UNC13C: variants seen among roughly 807,000 people sequenced by gnomAD.
UNC13C encodes protein unc-13 homolog C.
Under a neutral mutation model 245.4 loss-of-function variants are expected in UNC13C, and 174 were observed. The observed-to-expected ratio is 0.71, with a 90% CI of 0.63 to 0.80. The LOEUF (loss-of-function observed/expected upper bound fraction) is 0.80, where lower values mean the gene tolerates loss of function less well. UNC13C is among the 30% of genes least tolerant of loss of function. UNC13C has a pLI of 0.00. For missense variants in UNC13C, 2,829 were observed against 2,602.9 expected, an observed-to-expected ratio of 1.09 and a Z score of -1.89; for synonymous variants, 992 against 895.1, an observed-to-expected ratio of 1.11 and a Z score of -1.93.
intron 7 of UNC13C, among the ~76,000 whole-genome samples, chr15:54,247,825 G>A (rs1043006992): frequency 2.0e-4 from 31 of 151,462 alleles, no homozygotes; most frequent in Non-Finnish European, 1.0e-4. Context: ...ATGAATTATG[G>A]CTCCTTAGCC....
At chr15:54,119,027 C>T (rs947803720) in intron 2 of UNC13C, among the ~76,000 whole-genome samples, 1 of 150,162 alleles carries the variant, frequency 6.7e-6, no homozygotes, top group African/African-American at 2.4e-5. Context: ...TGGAAGTATT[C>T]CCTCCTCTCC....
chr15:53,855,878 C>G, the UNC13C span, among the ~76,000 whole-genome samples: 3 of 152,174 alleles, frequency 2.0e-5, no homozygotes, highest in Admixed American at 1.3e-4. Flanking sequence ...ACCAACTCTT[C>G]TTTGTACCTC....
At chr15:54,507,814 T>C (rs1229374367) in intron 23 of UNC13C, among the ~76,000 whole-genome samples, 1 of 151,860 alleles carries the variant, frequency 6.6e-6, no homozygotes, top group Non-Finnish European at 1.5e-5. Context: ...GAGAAATACA[T>C]TGGCAGCATT....
At chr15:54,010,208 A>G (rs1322907427) in intron 1 of UNC13C, among the ~76,000 whole-genome samples, 1 of 152,232 alleles carries the variant, frequency 6.6e-6, no homozygotes, top group Non-Finnish European at 1.5e-5. Context: ...TCTGACAAAC[A>G]GTATGAGTCT....
At chr15:54,614,233 CTGTTT>C in intron 30 of UNC13C, among the ~76,000 whole-genome samples, 1 of 152,024 alleles carries the variant, frequency 6.6e-6, no homozygotes, top group African/African-American at 2.4e-5. Flanking sequence ...GTGTCTTATT[CTGTTT>C]TAACACCATA....
At chr15:53,937,010 C>A in the UNC13C span, among the ~76,000 whole-genome samples, 1,885 of 152,294 alleles carry the variant, frequency 0.012, 37 homozygotes, top group African/African-American at 0.043. Flanking sequence ...CCAGCAAGGG[C>A]ACAGAACTGG....
At chr15:54,035,238 G>T (rs1566964725) in intron 2 of UNC13C, among the ~76,000 whole-genome samples, 1 of 151,890 alleles carries the variant, frequency 6.6e-6, no homozygotes, top group Admixed American at 6.6e-5. Context: ...AAAAAATGAG[G>T]CATACCTAGA....
chr15:53,905,186 C>A, the UNC13C span, among the ~76,000 whole-genome samples: 1 of 152,160 alleles, frequency 6.6e-6, no homozygotes, highest in South Asian at 2.1e-4. Flanking sequence ...ACCATATGAT[C>A]CAGCAATCCC....
intron 19 of UNC13C, among the ~76,000 whole-genome samples, chr15:54,464,689 C>T (rs1892071636): frequency 6.6e-6 from 1 of 152,012 alleles, no homozygotes; most frequent in Non-Finnish European, 1.5e-5. Context: ...CGATAGCAGT[C>T]ACATACATAG....
At chr15:54,228,316 G>T (rs1416548979) in intron 4 of UNC13C, among the ~76,000 whole-genome samples, 1 of 151,980 alleles carries the variant, frequency 6.6e-6, no homozygotes. Context: ...ATGGAATCAG[G>T]GACCCCAAGA....
At chr15:54,278,379 A>G (rs773021208) in intron 10 of UNC13C, among the ~76,000 whole-genome samples, 5 of 152,128 alleles carry the variant, frequency 3.3e-5, no homozygotes, top group Non-Finnish European at 7.4e-5. Flanking sequence ...CTTTGAGTAG[A>G]CAAAATTAAT....
chr15:53,911,939 G>A, the UNC13C span: 1 of 152,282 alleles, frequency 6.6e-6, no homozygotes, highest in East Asian at 1.9e-4. Context: ...CATACACAAA[G>A]TGACTATTGC....
the UNC13C span, among the ~76,000 whole-genome samples, chr15:53,841,991 G>A: frequency 6.6e-6 from 1 of 152,102 alleles, no homozygotes; most frequent in Non-Finnish European, 1.5e-5. Flanking sequence ...CAAGTGTAAG[G>A]GTGGAGAGTT....
downstream of UNC13C, chr15:54,629,578 G>A (rs1329564379): frequency 7.0e-6 from 1 of 143,752 alleles, no homozygotes; most frequent in Non-Finnish European, 1.5e-5. Flanking sequence ...TTAGTCCCAT[G>A]AACAAAATTC....
chr15:54,436,263 A>T (rs1021819676), intron 19 of UNC13C, among the ~76,000 whole-genome samples: 3 of 151,930 alleles, frequency 2.0e-5, no homozygotes, highest in African/African-American at 7.2e-5. Flanking sequence ...AAGATGGACA[A>T]GTATTTCCTC....
the UNC13C span, among the ~76,000 whole-genome samples, chr15:53,931,416 T>A: frequency 6.6e-5 from 10 of 152,082 alleles, no homozygotes; most frequent in African/African-American, 1.2e-4. Flanking sequence ...TGATCCACTC[T>A]TCTCGACTTC....
intron 4 of UNC13C, among the ~76,000 whole-genome samples, chr15:54,191,862 T>A (rs1346531049): frequency 2.6e-5 from 4 of 152,172 alleles, no homozygotes; most frequent in Non-Finnish European, 5.9e-5. Flanking sequence ...TTTTGAGAAG[T>A]GTCTGTTCAT....
At chr15:54,143,583 C>T (rs2032123445) in intron 3 of UNC13C, 37 bp from the exon 4 acceptor site, 2 of 1,579,688 alleles carry the variant, frequency 1.3e-6, no homozygotes, top group Middle Eastern at 1.7e-4. Context: ...ATGCTAAAAG[C>T]CTGTTTGTTT....
At chr15:54,331,739 C>T in intron 14 of UNC13C, among the ~76,000 whole-genome samples, 1 of 152,030 alleles carries the variant, frequency 6.6e-6, no homozygotes, top group East Asian at 1.9e-4. Context: ...AATGTACTGG[C>T]AATTTATTTG....
Sources: gnomAD v4.1 joint callset for allele counts (sites outside exome capture counted in the v4.1 genomes callset) on GRCh38, gnomAD v4.1.1 for gene constraint, MANE v1.5 for transcripts, NCBI Gene and HGNC (gene_info 2026-07-23, HGNC 2026-07-21) for gene names.